PDE7A: variants seen among roughly 807,000 people sequenced by gnomAD.
PDE7A encodes the protein high affinity 3',5'-cyclic-AMP phosphodiesterase 7A.
In PDE7A, 39 loss-of-function variants were observed where a neutral mutation model predicts 64.3. The ratio of observed to expected loss-of-function variants is 0.61; its 90% confidence interval spans 0.47 to 0.79. The LOEUF is 0.79. Among genes scored for constraint, PDE7A ranks in the 30% least tolerant of loss-of-function variants. The pLI, the probability that PDE7A is intolerant of heterozygous loss-of-function variation, is 0.00. For missense variants in PDE7A, 470 were observed against 582.8 expected, an observed-to-expected ratio of 0.81 and a Z score of 1.99; for synonymous variants, 203 against 206.8, an observed-to-expected ratio of 0.98 and a Z score of 0.16.
Position 65,833,242 on chromosome 8 carries a change from T to G in PDE7A, c.138+8129A>C, listed in dbSNP as rs925743600. Among the ~76,000 whole-genome samples the G allele has an allele frequency of 4.6e-5, 7 of 152,202 alleles. 1 individual carries two copies. Among genetic ancestry groups the G allele is most frequent in the Admixed American group, 4.6e-4 (7 of 15,278 alleles). ...CTGCTGGCTAAAATCTGAGACTTTT[T>G]TTCTCCAGAGAAGTGGTTTCAAATC... On this transcript the variant is annotated intron_variant, in intron 1 of 12. Transcript: ENST00000401827.
At chr8:65,797,285 T>C (rs1809867047) in intron 1 of PDE7A, among the ~76,000 whole-genome samples, 1 of 152,192 alleles carries the variant, frequency 6.6e-6, no homozygotes, top group African/African-American at 2.4e-5. Flanking sequence ...GAGGGCATAC[T>C]GGGTTAGTGT....
intron 3 of PDE7A, among the ~76,000 whole-genome samples, chr8:65,760,264 T>C (rs1428486512): frequency 1.3e-5 from 2 of 152,180 alleles, no homozygotes; most frequent in Admixed American, 6.5e-5. Context: ...ATGTATCTAT[T>C]ATCTTTTCAT....
At chr8:65,814,677 G>A (rs1810350443) in intron 1 of PDE7A, among the ~76,000 whole-genome samples, 1 of 152,048 alleles carries the variant, frequency 6.6e-6, no homozygotes, top group Non-Finnish European at 1.5e-5. Context: ...CTAAGAAGAA[G>A]TTACCTTTAA....
intron 1 of PDE7A, among the ~76,000 whole-genome samples, chr8:65,834,273 T>C (rs1480500428): frequency 6.6e-6 from 1 of 152,236 alleles, no homozygotes; most frequent in African/African-American, 2.4e-5. Flanking sequence ...TAGCAAACTC[T>C]TACTTCTGAT....
chr8:65,831,293 C>G (rs577233547), intron 1 of PDE7A, among the ~76,000 whole-genome samples: 9 of 152,194 alleles, frequency 5.9e-5, no homozygotes, highest in African/African-American at 1.9e-4. Flanking sequence ...TTATCTACCC[C>G]CCTCTACAAA....
At chr8:65,787,243 T>C (rs1809583062) in intron 1 of PDE7A, among the ~76,000 whole-genome samples, 1 of 152,148 alleles carries the variant, frequency 6.6e-6, no homozygotes. Flanking sequence ...GTTCCAAGTG[T>C]TTTCGCACAA....
At chr8:65,841,294 AGAG>A (rs1811081260) in intron 1 of PDE7A, 74 bp downstream of exon 1, 5 of 1,386,524 alleles carry the variant, frequency 3.6e-6, no homozygotes, top group Non-Finnish European at 4.7e-6. Flanking sequence ...TGGGGGTTGT[AGAG>A]GAGGTGAAGC....
At chr8:65,747,036 T>C (rs1033248233) in intron 4 of PDE7A, among the ~76,000 whole-genome samples, 1 of 152,222 alleles carries the variant, frequency 6.6e-6, no homozygotes, top group Admixed American at 6.5e-5. Context: ...GTAAGACATT[T>C]CTTTTAAATT....
intron 12 of PDE7A, among the ~76,000 whole-genome samples, chr8:65,720,029 TATG>T (rs1016396594): frequency 6.6e-6 from 1 of 152,202 alleles, no homozygotes; most frequent in African/African-American, 2.4e-5. Context: ...AGGCAAAACT[TATG>T]ATAAGAGTCA....
In PDE7A at chr8:65,756,409, C is replaced by T. The variant is rs183443573; in HGVS notation, c.284-8606G>A. Among the ~76,000 whole-genome samples, 654 of 152,250 alleles carry T rather than the reference C, an allele frequency of 4.3e-3. 1 individual carries two copies. Among genetic ancestry groups the T allele is most frequent in the Non-Finnish European group, 7.2e-3 (488 of 68,002 alleles). ...GTACACTTGATGGTGCCACCAGTCT[C>T]TCAGGCTCTGTTCATTTCTCTTTTT... On this transcript the variant is annotated intron_variant, in intron 3 of 12. Transcript: ENST00000401827.
In PDE7A at chr8:65,739,518, T is replaced by C; in HGVS notation, c.579A>G (p.Lys193=). Residue 193 remains lysine (K), a synonymous_variant, in exon 6 of 13, where the codon AAA becomes AAG. Transcript: ENST00000401827. The stretch of plus-strand genomic sequence containing the variant: ...ATCACTTACCTAAAAATCTACGAAG[T>C]TTCATCATATCTAAATGGAAGTACT... The part of the protein sequence containing the change: ...LIEYFHLDMM[K]LRRFLVMIQE... The C allele has an allele frequency of 6.4e-7, 1 of 1,566,202 alleles. No individual in the cohort carries two copies. The highest frequency in any genetic ancestry group is 2.3e-5 in the East Asian group (1 of 42,624).
chr8:65,751,719 C>T (rs1380986251), intron 3 of PDE7A, among the ~76,000 whole-genome samples: 2 of 152,136 alleles, frequency 1.3e-5, no homozygotes, highest in Non-Finnish European at 2.9e-5. Context: ...CTCGAACTCC[C>T]GACCTCAGGT....
intron 3 of PDE7A, among the ~76,000 whole-genome samples, chr8:65,772,940 G>A (rs112904856): frequency 2.0e-3 from 308 of 152,188 alleles, no homozygotes; most frequent in Non-Finnish European, 3.3e-3. Context: ...CCTGGGAGAC[G>A]GAGGCTGCAG....
At chr8:65,799,846 G>A (rs59198392) in intron 1 of PDE7A, among the ~76,000 whole-genome samples, 17,215 of 152,170 alleles carry the variant, frequency 0.11, 1,053 homozygotes, top group Non-Finnish European at 0.14. Context: ...GAAAAGGACT[G>A]GGAGGGCCAA....
chr8:65,789,266 C>T (rs1001415228), intron 1 of PDE7A, among the ~76,000 whole-genome samples: 3 of 152,186 alleles, frequency 2.0e-5, no homozygotes, highest in African/African-American at 4.8e-5. Context: ...CAAAGGAGGC[C>T]TCAGGCCAGC....
intron 1 of PDE7A, among the ~76,000 whole-genome samples, chr8:65,840,703 G>A (rs1038382455): frequency 5.3e-5 from 8 of 151,328 alleles, no homozygotes; most frequent in African/African-American, 1.9e-4. Flanking sequence ...ACTGGTATTG[G>A]ACCACTCAAA....
At chr8:65,763,589 T>A (rs1183088153) in intron 3 of PDE7A, among the ~76,000 whole-genome samples, 2 of 152,108 alleles carry the variant, frequency 1.3e-5, no homozygotes, top group Non-Finnish European at 2.9e-5. Flanking sequence ...TTGATTACTC[T>A]TATTGTTATG....
rs369214644 is a variant in PDE7A at position 65,724,274 on chromosome 8, C to T, written c.1143G>A (p.Thr381=). ...ACTTGCCTTGATGGAAGAATTCCTCCGTTACTTTTTCACTCCACTGCTTGC... is the reference window on the plus strand; with the variant it reads ...ACTTGCCTTGATGGAAGAATTCCTCTGTTACTTTTTCACTCCACTGCTTGC... ...ELSKQWSEKV[T]EEFFHQGDIE... Residue 381 remains threonine (T), a synonymous_variant, in exon 11 of 13, where the codon ACG becomes ACA. Coordinates refer to ENST00000401827, the MANE Select transcript of PDE7A (RefSeq NM_001242318.3). The T allele has an allele frequency of 5.6e-5, 90 of 1,610,270 alleles. 1 individual carries two copies. In the East Asian group the frequency reaches 1.0e-3, roughly 18 times the overall value.
intron 3 of PDE7A, among the ~76,000 whole-genome samples, chr8:65,774,173 AG>A (rs1412411915): frequency 3.9e-5 from 6 of 152,232 alleles, no homozygotes; most frequent in African/African-American, 1.4e-4. Flanking sequence ...ACGTTATTGC[AG>A]AAAAACTATG....
Sources: allele counts gnomAD v4.1 joint callset (sites outside exome capture counted in the v4.1 genomes callset), GRCh38; gene constraint gnomAD v4.1.1; transcripts MANE v1.5; gene names NCBI Gene and HGNC (gene_info 2026-07-23, HGNC 2026-07-21).